The following ATP6V1E1 variants were observed in gnomAD, a reference collection of about 807,000 sequenced individuals.
ATP6V1E1 encodes the protein ATPase H+ transporting V1 subunit E1.
ATP6V1E1 carries 21 observed loss-of-function variants against 35.2 expected under a neutral mutation model. The observed-to-expected ratio is 0.60, with a 90% CI of 0.42 to 0.86. ATP6V1E1 has a LOEUF of 0.86. Ranked by LOEUF, ATP6V1E1 falls within the 40% of genes least tolerant of loss-of-function variation. The pLI, the probability that ATP6V1E1 is intolerant of heterozygous loss-of-function variation, is 0.00. For missense variants in ATP6V1E1, 183 were observed against 272.6 expected, an observed-to-expected ratio of 0.67 and a Z score of 2.32; for synonymous variants, 83 against 87.8, an observed-to-expected ratio of 0.95 and a Z score of 0.30.
chr22:17,627,990 T>G (rs984509271), intron 1 of ATP6V1E1, among the ~76,000 whole-genome samples: 2 of 143,960 alleles, frequency 1.4e-5, no homozygotes, highest in African/African-American at 5.0e-5. Context: ...TTTGTTTTTT[T>G]TTTTTCTTTT....
At chr22:17,626,836 GCTTATTT>G (rs1401479608) in intron 1 of ATP6V1E1, among the ~76,000 whole-genome samples, 1 of 151,806 alleles carries the variant, frequency 6.6e-6, no homozygotes, top group Non-Finnish European at 1.5e-5. Flanking sequence ...AGACAGCCTG[GCTTATTT>G]TTTAAGAAAA....
intron 1 of ATP6V1E1, among the ~76,000 whole-genome samples, chr22:17,627,983 G>GTT (rs549292581): frequency 5.9e-5 from 8 of 135,844 alleles, no homozygotes; most frequent in Admixed American, 1.5e-4. Flanking sequence ...AGGCTGGTTT[G>GTT]TTTTTTTTTT....
At chr22:17,606,405 T>C (rs1323976190) in intron 4 of ATP6V1E1, among the ~76,000 whole-genome samples, 1 of 152,208 alleles carries the variant, frequency 6.6e-6, no homozygotes, top group East Asian at 1.9e-4. Context: ...CGGTATCATT[T>C]CACAGTCTGT....
chr22:17,609,513 G>A lies in ATP6V1E1; in HGVS notation c.276+3299C>T, dbSNP rs2057804447. The stretch of plus-strand genomic sequence containing the variant: ...AGACGGAGTCTGGCTCTGTCACCCA[G>A]GCTGGAGTGCAGTGGTGCGATCTCA... On this transcript the variant is annotated intron_variant, in intron 4 of 8. Coordinates refer to ENST00000253413, the MANE Select transcript of ATP6V1E1 (RefSeq NM_001696.4). Among the ~76,000 whole-genome samples the A allele has an allele frequency of 2.3e-5, 3 of 129,080 alleles. No homozygotes were observed. The Admixed American group carries it at 2.7e-4, about 12-fold the overall frequency. 84.7% of individuals were successfully genotyped at this position (129,080 alleles called of 152,430 possible).
chr22:17,598,409 C>T (rs759116960), intron 6 of ATP6V1E1, 121 bp from the exon 7 acceptor site: 102 of 765,482 alleles, frequency 1.3e-4, no homozygotes, highest in South Asian at 5.7e-4. Context: ...ACAGAGGCAC[C>T]GCTGGTGGGA....
At chr22:17,594,046 T>C (rs1209064999) in intron 8 of ATP6V1E1, among the ~76,000 whole-genome samples, 1 of 152,022 alleles carries the variant, frequency 6.6e-6, no homozygotes. Context: ...CTACTAAAAA[T>C]ACAAAATTAG....
chr22:17,609,732 G>A (rs1221789800), intron 4 of ATP6V1E1, among the ~76,000 whole-genome samples: 1 of 151,974 alleles, frequency 6.6e-6, no homozygotes, highest in African/African-American at 2.4e-5. Flanking sequence ...GCCTCCCAAA[G>A]TGCTGGGATT....
rs1265366066 is a variant in ATP6V1E1, at chr22:17,616,776, C to T, written c.99+2685G>A. Among the ~76,000 whole-genome samples, 4 of 130,180 alleles carry T rather than the reference C, an allele frequency of 3.1e-5. 2 individuals are homozygous for T. The highest frequency in any genetic ancestry group is 6.0e-5 in the African/African-American group (2 of 33,510). 85.4% of individuals were successfully genotyped at this position (130,180 alleles called of 152,430 possible). A position where few individuals can be genotyped will look rare whatever the true frequency, so the allele number is the denominator to read the frequency against. ...AAAGAGTCATACAAGAGGCCAGGCGCGGTGGCTCAAGCCTGTAATCCCAGC... is the reference window on the plus strand; with the variant it reads ...AAAGAGTCATACAAGAGGCCAGGCGTGGTGGCTCAAGCCTGTAATCCCAGC... On this transcript the variant is annotated intron_variant, in intron 2 of 8. Transcript: ENST00000253413.
At chr22:17,599,550 C>G (rs2057750953) in intron 6 of ATP6V1E1, among the ~76,000 whole-genome samples, 1 of 128,952 alleles carries the variant, frequency 7.8e-6, no homozygotes. Context: ...GCACTCCAGC[C>G]TGGGAAATGA....
intron 2 of ATP6V1E1, among the ~76,000 whole-genome samples, chr22:17,614,954 CA>C (rs59961282): frequency 7.0e-4 from 96 of 137,996 alleles, no homozygotes; most frequent in Middle Eastern, 3.8e-3. Context: ...GACACCGTTT[CA>C]AAAAAAAAAA....
rs530498724 is a variant in ATP6V1E1, at chr22:17,604,171, G to A, written c.277-2990C>T. On this transcript the variant is annotated intron_variant, in intron 4 of 8. Coordinates refer to ENST00000253413, the MANE Select transcript of ATP6V1E1 (RefSeq NM_001696.4). ...ACCACGGGAGAGAAAGGTAAATTAT[G>A]ATCAATAATTACCATCCGTGTGATA... 1.3e-3 allele frequency among the ~76,000 whole-genome samples: 203 copies of A among 151,662 alleles called. 1 individual carries two copies. The highest frequency in any genetic ancestry group is 4.8e-3 in the African/African-American group (197 of 41,092).
chr22:17,605,693 CTTTTTTT>C (rs3044548), intron 4 of ATP6V1E1, among the ~76,000 whole-genome samples: 1 of 103,968 alleles, frequency 9.6e-6, no homozygotes, highest in African/African-American at 3.7e-5. Flanking sequence ...AGATGTTTCT[CTTTTTTT>C]TTTTTTTTTT....
intron 7 of ATP6V1E1, among the ~76,000 whole-genome samples, chr22:17,597,323 G>A (rs2057737143): frequency 6.6e-6 from 1 of 151,590 alleles, no homozygotes; most frequent in Non-Finnish European, 1.5e-5. Context: ...ACAGGCCAGT[G>A]AAATCGAGAA....
At position 17,604,610 on chromosome 22, in the gene ATP6V1E1, C is replaced by T. The variant is rs186442648; in HGVS notation, c.277-3429G>A. ...TCTCGGCTCACTGCAACCTCCGCCC[C>T]CTGGGTTCAAGCGATTCTCCTGCCT... On this transcript the variant is annotated intron_variant, in intron 4 of 8. Coordinates refer to ENST00000253413, the MANE Select transcript of ATP6V1E1 (RefSeq NM_001696.4). Among the ~76,000 whole-genome samples, 39 of 151,840 alleles carry T rather than the reference C, an allele frequency of 2.6e-4. No individual in the cohort carries two copies. In the East Asian group the frequency reaches 7.6e-3, roughly 30 times the overall value.
At chr22:17,597,555 C>T (rs992487671) in intron 7 of ATP6V1E1, among the ~76,000 whole-genome samples, 1 of 152,072 alleles carries the variant, frequency 6.6e-6, no homozygotes, top group Non-Finnish European at 1.5e-5. Flanking sequence ...ACCTCAGCAT[C>T]CAATACAGAG....
At chr22:17,602,885 GT>G (rs2057768672) in intron 4 of ATP6V1E1, among the ~76,000 whole-genome samples, 1 of 152,164 alleles carries the variant, frequency 6.6e-6, no homozygotes, top group Non-Finnish European at 1.5e-5. Flanking sequence ...TGTAAATAAA[GT>G]TAAACAGAGC....
chr22:17,594,483 T>C, intron 8 of ATP6V1E1, 46 bp downstream of exon 8: 1 of 1,409,936 alleles, frequency 7.1e-7, no homozygotes, highest in Non-Finnish European at 9.5e-7. Flanking sequence ...CTGTCCCACT[T>C]CAAAGTAACA....
chr22:17,619,545 T>G lies in ATP6V1E1; in HGVS notation c.34-19A>C, dbSNP rs183234020. On this transcript the variant is annotated intron_variant, in intron 1 of 8. Transcript: ENST00000253413. ...GCTTTATCTATAAGGAAAAAAAGTT[T>G]TATTTTTTAGTTCAAAAATATGGAA... 569 of 1,548,378 alleles carry G rather than the reference T, an allele frequency of 3.7e-4. No homozygotes were observed. In the African/African-American group the frequency reaches 7.0e-3, roughly 19 times the overall value.
At chr22:17,622,785 G>A (rs556577559) in intron 1 of ATP6V1E1, among the ~76,000 whole-genome samples, 3 of 152,220 alleles carry the variant, frequency 2.0e-5, no homozygotes, top group African/African-American at 7.2e-5. Context: ...GGCCAAGATG[G>A]AGAAACCCCA....
Sources: allele counts gnomAD v4.1 joint callset (sites outside exome capture counted in the v4.1 genomes callset), GRCh38; gene constraint gnomAD v4.1.1; transcripts MANE v1.5; gene names NCBI Gene and HGNC (gene_info 2026-07-23, HGNC 2026-07-21).